Variants in B4GALT1 observed in about 807,000 individuals in gnomAD.
B4GALT1 encodes the protein beta-1,4-galactosyltransferase 1, also known as N-acetyllactosamine synthase.
A neutral mutation model predicts 34.9 loss-of-function variants in B4GALT1; 16 were observed. The observed-to-expected ratio is 0.46, with a 90% CI of 0.31 to 0.70. The LOEUF (loss-of-function observed/expected upper bound fraction) is 0.70. Ranked by LOEUF, B4GALT1 falls within the 30% of genes least tolerant of loss-of-function variation. B4GALT1 has a pLI of 0.05. For synonymous variants in B4GALT1, 221 were observed against 218.1 expected, an observed-to-expected ratio of 1.01 and a Z score of -0.12; for missense variants, 445 against 530.5, an observed-to-expected ratio of 0.84 and a Z score of 1.58.
intron 3 of B4GALT1, among the ~76,000 whole-genome samples, chr9:33,119,651 G>C (rs1839992081): frequency 6.6e-6 from 1 of 152,192 alleles, no homozygotes; most frequent in Non-Finnish European, 1.5e-5. Context: ...AGGCAGTCAA[G>C]GCTGCAGTGA....
intron 1 of B4GALT1, among the ~76,000 whole-genome samples, chr9:33,141,759 A>G (rs1174065438): frequency 6.6e-6 from 1 of 152,124 alleles, no homozygotes; most frequent in Admixed American, 6.6e-5. Context: ...TGCACGTGGG[A>G]GTACGCCAAT....
chr9:33,147,254 T>A (rs1049272457), intron 1 of B4GALT1, among the ~76,000 whole-genome samples: 12 of 151,590 alleles, frequency 7.9e-5, no homozygotes, highest in African/African-American at 2.7e-4. Flanking sequence ...TCTTTTTTTT[T>A]TTTTTTTTTT....
the B4GALT1 span, among the ~76,000 whole-genome samples, chr9:33,175,021 A>ATATATATATAT: frequency 6.0e-4 from 35 of 58,628 alleles, no homozygotes; most frequent in Non-Finnish European, 9.5e-4. Flanking sequence ...ATATATATAT[A>ATATATATATAT]AAATTGGAGG....
chr9:33,177,857 G>C, the B4GALT1 span, among the ~76,000 whole-genome samples: 1 of 152,110 alleles, frequency 6.6e-6, no homozygotes, highest in Admixed American at 6.6e-5. Context: ...AGCTCAGCTG[G>C]AACTGTTAGC....
intron 1 of B4GALT1, among the ~76,000 whole-genome samples, chr9:33,142,007 G>A (rs77252614): frequency 0.022 from 3,413 of 151,764 alleles, 93 homozygotes; most frequent in East Asian, 0.11. Flanking sequence ...TTTTTGAGAC[G>A]GAGTCTCACT....
At chr9:33,128,351 C>T (rs913817759) in intron 2 of B4GALT1, among the ~76,000 whole-genome samples, 3 of 152,270 alleles carry the variant, frequency 2.0e-5, no homozygotes, top group African/African-American at 4.8e-5. Flanking sequence ...ATTCTGATGA[C>T]CACTGTTCCA....
rs544421547 is a variant in B4GALT1, at chr9:33,162,950, T to A, written c.412+3808A>T. On this transcript the variant is annotated intron_variant, in intron 1 of 5. Transcript: ENST00000379731. Reference sequence around the variant, plus strand: ...CTGTTAGACAAAGAATGTCTGTGTATACGTCAATACATTATTTTCCACGAA... The same window carrying A: ...CTGTTAGACAAAGAATGTCTGTGTAAACGTCAATACATTATTTTCCACGAA... Among the ~76,000 whole-genome samples, 5 of 152,298 alleles carry A rather than the reference T, an allele frequency of 3.3e-5. No individual in the cohort carries two copies. In the East Asian group the frequency reaches 9.6e-4, roughly 29 times the overall value.
chr9:33,137,872 G>C (rs921654592), intron 1 of B4GALT1, among the ~76,000 whole-genome samples: 1 of 152,130 alleles, frequency 6.6e-6, no homozygotes, highest in Non-Finnish European at 1.5e-5. Context: ...ACCCAACCCT[G>C]GGCAAAGGCT....
intron 2 of B4GALT1, among the ~76,000 whole-genome samples, chr9:33,128,734 G>C (rs1214064126): frequency 3.9e-5 from 6 of 152,332 alleles, no homozygotes; most frequent in African/African-American, 1.4e-4. Context: ...AGGCCGGGAT[G>C]GGGGGATGGT....
intron 1 of B4GALT1, among the ~76,000 whole-genome samples, chr9:33,151,445 G>A (rs1423002296): frequency 2.0e-5 from 3 of 152,116 alleles, no homozygotes; most frequent in Admixed American, 2.0e-4. Context: ...GGACTGTGGA[G>A]GGCCCACTAC....
chr9:33,132,888 TTTTA>T (rs577132429), intron 2 of B4GALT1, among the ~76,000 whole-genome samples: 211 of 152,186 alleles, frequency 1.4e-3, no homozygotes, highest in Non-Finnish European at 2.1e-3. Context: ...CAAGTATATA[TTTTA>T]TTTATTTATT....
At chr9:33,131,162 C>G (rs1312655749) in intron 2 of B4GALT1, among the ~76,000 whole-genome samples, 1 of 152,208 alleles carries the variant, frequency 6.6e-6, no homozygotes, top group African/African-American at 2.4e-5. Context: ...ACACTGGGGG[C>G]ACCCTGGCCA....
At chr9:33,151,714 G>A (rs571814027) in intron 1 of B4GALT1, among the ~76,000 whole-genome samples, 1 of 152,284 alleles carries the variant, frequency 6.6e-6, no homozygotes, top group Non-Finnish European at 1.5e-5. Context: ...AATTACTACA[G>A]CTCTATCAGC....
In B4GALT1 at chr9:33,112,068, G is replaced by C. The variant is rs1415654005; in HGVS notation, c.*1386C>G. On this transcript the variant is annotated 3_prime_UTR_variant, in exon 6 of 6. Transcript: ENST00000379731. The stretch of plus-strand genomic sequence containing the variant: ...TTTTAGGGGACAGGCAAGAGGCAAA[G>C]GAACAAAAAGGGAGACGAAGGAAGG... 1 of 152,922 alleles carries C rather than the reference G, an allele frequency of 6.5e-6. No individual in the cohort carries two copies. The highest frequency in any genetic ancestry group is 1.5e-5 in the Non-Finnish European group (1 of 68,220). 9.5% of individuals were successfully genotyped at this position (152,922 alleles called of 1,614,324 possible). A position where few individuals can be genotyped will look rare whatever the true frequency, so the allele number is the denominator to read the frequency against.
At chr9:33,165,090 G>T (rs918875936) in intron 1 of B4GALT1, among the ~76,000 whole-genome samples, 1 of 150,100 alleles carries the variant, frequency 6.7e-6, no homozygotes, top group Non-Finnish European at 1.5e-5. Context: ...CTCCTGCCTC[G>T]GCCTCCTGAG....
chr9:33,158,438 GCACCAC>G (rs1840628622), intron 1 of B4GALT1, among the ~76,000 whole-genome samples: 1 of 152,044 alleles, frequency 6.6e-6, no homozygotes, highest in African/African-American at 2.4e-5. Context: ...AGTCCAAACT[GCACCAC>G]CTTCTCTTTC....
At position 33,112,811 on chromosome 9, in the gene B4GALT1, C is replaced by G. The variant is rs955820156; in HGVS notation, c.*643G>C. 6.5e-6 allele frequency: 1 copy of G among 153,532 alleles called. No individual in the cohort carries two copies. The highest frequency in any genetic ancestry group is 6.5e-5 in the Admixed American group (1 of 15,452). 9.5% of individuals were successfully genotyped at this position (153,532 alleles called of 1,614,324 possible). ...CAATCTGGAGATAGGCCACTGAATG[C>G]GAGAAACCCAAGGCTTTTGCTCTGA... On this transcript the variant is annotated 3_prime_UTR_variant, in exon 6 of 6. Transcript: ENST00000379731.
chr9:33,137,679 A>T (rs1030365125), intron 1 of B4GALT1, among the ~76,000 whole-genome samples: 2 of 152,206 alleles, frequency 1.3e-5, no homozygotes, highest in African/African-American at 4.8e-5. Flanking sequence ...GGAAGGACCT[A>T]AATGGCTACC....
At chr9:33,144,896 T>C (rs1840403234) in intron 1 of B4GALT1, among the ~76,000 whole-genome samples, 1 of 152,234 alleles carries the variant, frequency 6.6e-6, no homozygotes, top group African/African-American at 2.4e-5. Context: ...CACACTGCAC[T>C]TGTTCAACTA....
Sources: gnomAD v4.1 joint callset for allele counts (sites outside exome capture counted in the v4.1 genomes callset) on GRCh38, gnomAD v4.1.1 for gene constraint, MANE v1.5 for transcripts, NCBI Gene and HGNC (gene_info 2026-07-23, HGNC 2026-07-21) for gene names.